The following EVC2 variants were observed in gnomAD, a reference collection of about 807,000 sequenced individuals.
The protein encoded by EVC2 is limbin.
In EVC2, 148 loss-of-function variants were observed where a neutral mutation model predicts 149.3. That is an observed-to-expected ratio of 0.99 (90% CI 0.87 to 1.14). EVC2 has a LOEUF of 1.14. EVC2 is among the 50% of genes most tolerant of loss of function. The pLI is 0.00. For missense variants in EVC2, 1,854 were observed against 1,627.3 expected (o/e 1.14, Z -2.40); for synonymous variants, 776 against 649.9 (o/e 1.19, Z -2.95).
intron 16 of EVC2, among the ~76,000 whole-genome samples, chr4:5,598,411 G>A (rs1243458271): frequency 6.6e-6 from 1 of 150,978 alleles, no homozygotes; most frequent in Non-Finnish European, 1.5e-5. Flanking sequence ...CAGAAATAAT[G>A]CCGCATATCT....
chr4:5,568,629 C>T lies in EVC2; in HGVS notation c.3372G>A (p.Leu1124=), dbSNP rs778492108. ...FATLCSQELR[L]ASYLARMAMV... ...TGGCCATCCTCGCCAGGTACGATGC[C>T]AGTCTCAGCTCCTACAGGAAACAAC... The change falls in exon 20 of 22, where the codon CTG becomes CTA. Residue 1124 remains leucine, a synonymous_variant. Coordinates refer to ENST00000344408, the MANE Select transcript of EVC2 (RefSeq NM_147127.5). The T allele has an allele frequency of 2.5e-6, 4 of 1,608,012 alleles. No individual in the cohort carries two copies. The highest frequency in any genetic ancestry group is 3.4e-6 in the Non-Finnish European group (4 of 1,179,808).
intron 6 of EVC2, among the ~76,000 whole-genome samples, chr4:5,683,901 A>AACACACACAGCTGCCCGGGAAC (rs1172434600): frequency 2.0e-5 from 3 of 150,634 alleles, no homozygotes; most frequent in East Asian, 3.9e-4. Context: ...GCTACACGGG[A>AACACACACAGCTGCCCGGGAAC]ACACACACAG....
chr4:5,647,482 T>C (rs1717802420), intron 9 of EVC2, among the ~76,000 whole-genome samples: 1 of 152,220 alleles, frequency 6.6e-6, no homozygotes, highest in Non-Finnish European at 1.5e-5. Flanking sequence ...GCTTCTTTCA[T>C]TTTCTCAAAA....
intron 16 of EVC2, among the ~76,000 whole-genome samples, chr4:5,588,976 C>G (rs892855227): frequency 1.3e-5 from 2 of 152,220 alleles, no homozygotes; most frequent in African/African-American, 4.8e-5. Flanking sequence ...ATTCTAACAT[C>G]TGTGTCAGTT....
downstream of EVC2, chr4:5,562,366 G>C: frequency 1.2e-6 from 1 of 862,004 alleles, no homozygotes; most frequent in Non-Finnish European, 1.4e-6. The surrounding 1 kb of genome is among the most constrained non-coding windows in gnomAD (Gnocchi z 4.3). Context: ...ACCACACAGG[G>C]AACAAAACGT....
chr4:5,699,435 C>A (rs1023467931), intron 1 of EVC2, among the ~76,000 whole-genome samples: 1 of 152,156 alleles, frequency 6.6e-6, no homozygotes, highest in Non-Finnish European at 1.5e-5. Flanking sequence ...AATTCCACTT[C>A]TGGGCATATA....
chr4:5,696,369 C>T lies in EVC2; in HGVS notation c.283+1224G>A, dbSNP rs1185993694. On this transcript the variant is annotated intron_variant, in intron 2 of 21. Coordinates refer to ENST00000344408, the MANE Select transcript of EVC2 (RefSeq NM_147127.5). The surrounding 1 kb of genome is among the most constrained non-coding windows in gnomAD (Gnocchi z 4.1). ...AAGAATCCCGCTCAGTCTACAGAGCCAAGTGGGGCCCACCCGAATCCCAGC... is the reference window on the plus strand; with the variant it reads ...AAGAATCCCGCTCAGTCTACAGAGCTAAGTGGGGCCCACCCGAATCCCAGC... Among the ~76,000 whole-genome samples the T allele has an allele frequency of 3.3e-5, 5 of 152,198 alleles. No individual in the cohort carries two copies. The highest frequency in any genetic ancestry group is 7.3e-5 in the Non-Finnish European group (5 of 68,038).
At chr4:5,610,911 G>A (rs193022227) in intron 16 of EVC2, among the ~76,000 whole-genome samples, 144 of 150,834 alleles carry the variant, frequency 9.5e-4, no homozygotes, top group African/African-American at 3.4e-3. Context: ...TATCCAAATG[G>A]ACGTGGCTTT....
At chr4:5,534,583 C>T in the EVC2 span, among the ~76,000 whole-genome samples, 27,120 of 152,090 alleles carry the variant, frequency 0.18, 3,096 homozygotes, top group East Asian at 0.6. Context: ...GACCTTGTTA[C>T]GGGAAAATAA....
intron 9 of EVC2, among the ~76,000 whole-genome samples, chr4:5,654,758 G>T (rs1286064130): frequency 6.6e-6 from 1 of 152,224 alleles, no homozygotes; most frequent in Admixed American, 6.5e-5. Context: ...GGCCGCTGAA[G>T]GAGACCACTC....
At chr4:5,695,805 G>A (rs1375455811) in intron 2 of EVC2, among the ~76,000 whole-genome samples, 2 of 152,078 alleles carry the variant, frequency 1.3e-5, no homozygotes, top group African/African-American at 4.8e-5. Context: ...TTCTTACCCA[G>A]CATATTGATG....
intron 10 of EVC2, among the ~76,000 whole-genome samples, chr4:5,638,627 C>G (rs1359183784): frequency 1.3e-5 from 2 of 152,038 alleles, no homozygotes; most frequent in Non-Finnish European, 2.9e-5. Context: ...AAAGATATGC[C>G]TAGATCCTAA....
intron 16 of EVC2, among the ~76,000 whole-genome samples, chr4:5,598,790 A>G (rs1713701669): frequency 6.6e-6 from 1 of 152,180 alleles, no homozygotes; most frequent in Non-Finnish European, 1.5e-5. Flanking sequence ...GCAACCTACA[A>G]AATGGGAGAA....
intron 16 of EVC2, 149 bp downstream of exon 16, chr4:5,615,273 T>C (rs557612443): frequency 4.4e-6 from 6 of 1,353,592 alleles, no homozygotes; most frequent in African/African-American, 4.3e-5. Flanking sequence ...CTTCCAACTC[T>C]TTCTTACCTT....
At chr4:5,665,219 AG>A (rs1170936826) in intron 8 of EVC2, among the ~76,000 whole-genome samples, 1 of 152,124 alleles carries the variant, frequency 6.6e-6, no homozygotes, top group Non-Finnish European at 1.5e-5. Context: ...CTGAAGCAGG[AG>A]GACTGCTTAA....
intron 17 of EVC2, among the ~76,000 whole-genome samples, chr4:5,577,915 C>G (rs1166595244): frequency 6.6e-6 from 1 of 152,176 alleles, no homozygotes; most frequent in Non-Finnish European, 1.5e-5. Context: ...CACGTCTACC[C>G]AGATGCCAGC....
At chr4:5,704,456 T>A (rs1454429136) in intron 1 of EVC2, among the ~76,000 whole-genome samples, 2 of 151,808 alleles carry the variant, frequency 1.3e-5, no homozygotes, top group Non-Finnish European at 2.9e-5. Context: ...AGTTGTGGAG[T>A]GCCTGTGAGC....
chr4:5,538,142 T>C (rs540682429), downstream of EVC2, among the ~76,000 whole-genome samples: 16 of 149,766 alleles, frequency 1.1e-4, no homozygotes, highest in African/African-American at 3.9e-4. Flanking sequence ...ATATCAGGAA[T>C]GAAAAAACTG....
rs1298468386 is a variant in EVC2 at position 5,543,147 on chromosome 4, C to T, written c.3485G>A (p.Trp1162Ter). 3.1e-6 allele frequency: 4 copies of T among 1,289,688 alleles called. No individual in the cohort carries two copies. In the African/African-American group the frequency reaches 4.6e-5, roughly 15 times the overall value. 79.9% of individuals were successfully genotyped at this position (1,289,688 alleles called of 1,614,324 possible). The change falls in exon 22 of 23, where the codon TGG becomes TAG. Residue 1162 changes from tryptophan to a stop codon, truncating the protein, a stop_gained and NMD_transcript_variant. Coordinates refer to the EVC2 transcript ENST00000475313. Reference sequence around the variant, plus strand: ...GGTAAGTTCTCATTTTTCAGACATCCACTCAATTAACCCAATCTCTGGAGT... The same window carrying T: ...GGTAAGTTCTCATTTTTCAGACATCTACTCAATTAACCCAATCTCTGGAGT...
Sources: gnomAD v4.1 joint callset for allele counts (sites outside exome capture counted in the v4.1 genomes callset) on GRCh38, gnomAD v4.1.1 for gene constraint, Gnocchi (gnomAD v3.1) non-coding constraint, MANE v1.5 for transcripts, NCBI Gene and HGNC (gene_info 2026-07-23, HGNC 2026-07-21) for gene names.